CLNK: variants seen among roughly 807,000 people sequenced by gnomAD.
CLNK encodes the protein cytokine dependent hematopoietic cell linker.
In CLNK, 74 loss-of-function variants were observed where a neutral mutation model predicts 68.6. The ratio of observed to expected loss-of-function variants is 1.08; its 90% CI spans 0.89 to 1.31. The LOEUF (loss-of-function observed/expected upper bound fraction) is 1.31. Among genes scored for constraint, CLNK ranks in the 50% most tolerant of loss-of-function variants. The pLI is 0.00. For synonymous variants in CLNK, 198 were observed against 172.2 expected, an observed-to-expected ratio of 1.15 and a Z score of -1.17; for missense variants, 553 against 515.3, an observed-to-expected ratio of 1.07 and a Z score of -0.71.
At chr4:10,685,108 T>C (rs965714081), upstream of CLNK, 3 of 152,148 alleles carry the variant, frequency 2.0e-5, no homozygotes, top group African/African-American at 4.8e-5. Context: ...ACATTAACTA[T>C]CATCTTTTGG....
At chr4:10,640,691 G>C (rs967179751) in intron 2 of CLNK, among the ~76,000 whole-genome samples, 8 of 152,232 alleles carry the variant, frequency 5.3e-5, no homozygotes, top group Non-Finnish European at 8.8e-5. Context: ...ACTAGGAAGG[G>C]CTGCACTAGT....
chr4:10,662,649 T>C (rs1333820758), intron 2 of CLNK, among the ~76,000 whole-genome samples: 1 of 152,170 alleles, frequency 6.6e-6, no homozygotes, highest in African/African-American at 2.4e-5. Flanking sequence ...TGTAAGACAA[T>C]GTTCAGAAAA....
intron 17 of CLNK, among the ~76,000 whole-genome samples, chr4:10,506,602 G>T (rs1026724202): frequency 6.6e-6 from 1 of 152,170 alleles, no homozygotes; most frequent in Non-Finnish European, 1.5e-5. Context: ...GATAAACCTT[G>T]AGGAAAGCAG....
intron 1 of CLNK, among the ~76,000 whole-genome samples, chr4:10,672,972 C>T (rs186051961): frequency 9.2e-5 from 14 of 152,312 alleles, no homozygotes; most frequent in African/African-American, 2.6e-4. Context: ...AATAATCCTC[C>T]ATACACTTAG....
At chr4:10,667,727 A>G (rs1724454902) in intron 2 of CLNK, 132 bp downstream of exon 2, 7 of 295,282 alleles carry the variant, frequency 2.4e-5, no homozygotes, top group Non-Finnish European at 3.7e-5. Context: ...AATCTCAACC[A>G]TGGCCTCTCA....
the CLNK span, among the ~76,000 whole-genome samples, chr4:10,699,672 C>G: frequency 2.0e-5 from 3 of 151,132 alleles, no homozygotes; most frequent in Non-Finnish European, 4.4e-5. Flanking sequence ...GCCACCACAC[C>G]CTGCTAATTT....
chr4:10,531,575 G>A (rs777962509), intron 12 of CLNK: 2 of 341,980 alleles, frequency 5.8e-6, no homozygotes, highest in Non-Finnish European at 1.2e-5. Context: ...TAGCGTGGCT[G>A]GGATTACAGG....
chr4:10,588,250 C>T lies in CLNK; in HGVS notation c.84-3295G>A, dbSNP rs556200629. 7.2e-5 allele frequency among the ~76,000 whole-genome samples: 11 copies of T among 152,312 alleles called. No individual in the cohort carries two copies. In the South Asian group the frequency reaches 2.3e-3, roughly 32 times the overall value. On this transcript the variant is annotated intron_variant, in intron 3 of 18. Transcript: ENST00000226951. The stretch of plus-strand genomic sequence containing the variant: ...AAAAGGCAAACCGTTCCTGAGATTC[C>T]AGAAGGAACTTTGACTTCTAAATTA...
chr4:10,717,962 A>G, the CLNK span, among the ~76,000 whole-genome samples: 2 of 152,232 alleles, frequency 1.3e-5, no homozygotes, highest in African/African-American at 4.8e-5. Flanking sequence ...ACATGCTTGA[A>G]ACAAATGAAA....
At chr4:10,694,789 AAGG>A in the CLNK span, among the ~76,000 whole-genome samples, 18 of 152,310 alleles carry the variant, frequency 1.2e-4, no homozygotes, top group Admixed American at 3.3e-4. Flanking sequence ...ATTTAAAAAG[AAGG>A]AGATCATGCA....
At chr4:10,579,463 T>G (rs1720698458) in intron 4 of CLNK, among the ~76,000 whole-genome samples, 1 of 152,168 alleles carries the variant, frequency 6.6e-6, no homozygotes, top group Non-Finnish European at 1.5e-5. Context: ...TATAACCATA[T>G]TTTGGTCAAT....
At chr4:10,612,343 C>G (rs1395589593) in intron 2 of CLNK, among the ~76,000 whole-genome samples, 1 of 152,208 alleles carries the variant, frequency 6.6e-6, no homozygotes, top group Non-Finnish European at 1.5e-5. Flanking sequence ...AAGTCATTCC[C>G]CAAAAGACAA....
intron 2 of CLNK, among the ~76,000 whole-genome samples, chr4:10,633,485 T>G (rs1342576623): frequency 6.6e-6 from 1 of 152,322 alleles, no homozygotes; most frequent in South Asian, 2.1e-4. Flanking sequence ...TCCCATTTAA[T>G]TCCCATTCCC....
intron 2 of CLNK, among the ~76,000 whole-genome samples, chr4:10,661,034 G>C (rs1724172553): frequency 6.6e-6 from 1 of 152,168 alleles, no homozygotes; most frequent in African/African-American, 2.4e-5. Context: ...ACACAGCTGG[G>C]TGTAGGACTC....
At chr4:10,558,494 CTA>C in intron 7 of CLNK, 42 bp from the exon 8 acceptor site, 1 of 1,567,098 alleles carries the variant, frequency 6.4e-7, no homozygotes, top group African/African-American at 1.3e-5. Context: ...TCAGTTGTGA[CTA>C]TGACACTATC....
upstream of CLNK, among the ~76,000 whole-genome samples, chr4:10,689,371 G>A (rs987911088): frequency 4.6e-5 from 7 of 152,228 alleles, no homozygotes; most frequent in Admixed American, 4.6e-4. Flanking sequence ...CTGGTCTCAA[G>A]CAATCCTCCC....
At chr4:10,673,661 C>T (rs1013593627) in intron 1 of CLNK, among the ~76,000 whole-genome samples, 26 of 151,202 alleles carry the variant, frequency 1.7e-4, no homozygotes, top group African/African-American at 5.9e-4. Flanking sequence ...CACACTGGGG[C>T]CTGTCAGGGG....
chr4:10,660,775 T>C (rs930245689), intron 2 of CLNK, among the ~76,000 whole-genome samples: 4 of 152,234 alleles, frequency 2.6e-5, no homozygotes, highest in Admixed American at 6.5e-5. Context: ...ACCATCTTTA[T>C]TGAGTCTCGA....
intron 4 of CLNK, among the ~76,000 whole-genome samples, chr4:10,572,170 C>CA (rs1299730809): frequency 6.6e-6 from 1 of 152,232 alleles, no homozygotes; most frequent in African/African-American, 2.4e-5. Context: ...TCTCTTCCCC[C>CA]ACAAGGCACA....
Sources: gnomAD v4.1 joint callset for allele counts (sites outside exome capture counted in the v4.1 genomes callset) on GRCh38, gnomAD v4.1.1 for gene constraint, MANE v1.5 for transcripts, NCBI Gene and HGNC (gene_info 2026-07-23, HGNC 2026-07-21) for gene names.